The following C2CD3 variants were observed in gnomAD, a reference collection of about 807,000 sequenced individuals.
C2CD3 encodes the protein C2 domain containing 3 centriole elongation regulator.
A neutral mutation model predicts 234.0 loss-of-function variants in C2CD3; 148 were observed. The observed-to-expected ratio is 0.63, with a 90% confidence interval of 0.55 to 0.72. The LOEUF is 0.72. Among genes scored for constraint, C2CD3 ranks in the 30% least tolerant of loss-of-function variants. C2CD3 has a pLI of 0.00. For missense variants in C2CD3, 2,577 were observed against 2,811.5 expected (o/e 0.92, Z 1.89); for synonymous variants, 1,000 against 1,035.4 (o/e 0.97, Z 0.66).
intron 31 of C2CD3, among the ~76,000 whole-genome samples, chr11:74,030,100 A>C (rs920968146): frequency 2.8e-4 from 42 of 152,162 alleles, no homozygotes; most frequent in African/African-American, 9.7e-4. Flanking sequence ...AAAATGTTCA[A>C]GTTTCCCATT....
intron 26 of C2CD3, among the ~76,000 whole-genome samples, chr11:74,052,192 A>G (rs1953724154): frequency 6.6e-6 from 1 of 152,080 alleles, no homozygotes; most frequent in African/African-American, 2.4e-5. Flanking sequence ...TCTTAGCAAG[A>G]CCCTCTTGAA....
chr11:74,111,945 CACACACACACACACACACACACACAT>C (rs1956763513), intron 11 of C2CD3, among the ~76,000 whole-genome samples: 3 of 146,034 alleles, frequency 2.1e-5, no homozygotes, highest in South Asian at 4.5e-4. Flanking sequence ...CACACACACA[CACACACACACACACACACACACACAT>C]ATATATATAC....
intron 3 of C2CD3, among the ~76,000 whole-genome samples, chr11:74,146,966 T>A (rs1320514187): frequency 6.6e-6 from 1 of 151,890 alleles, no homozygotes; most frequent in African/African-American, 2.4e-5. Flanking sequence ...GGCAGGAGAA[T>A]TGCTTGAACC....
Position 74,034,037 on chromosome 11 carries a change from T to C in C2CD3, c.6123A>G (p.Ala2041=), listed in dbSNP as rs1462504098. The C allele has an allele frequency of 3.9e-6, 6 of 1,536,492 alleles. No homozygotes were observed. The highest frequency in any genetic ancestry group is 4.4e-6 in the Non-Finnish European group (5 of 1,146,988). Residue 2041 remains alanine (A), a synonymous_variant, in exon 31 of 33, where the codon GCA becomes GCG. Coordinates refer to ENST00000334126, the MANE Select transcript of C2CD3 (RefSeq NM_001286577.2). ...TGCTCTGCATCCTTGTAATGGGTAC[T>C]GCATGCCTCAGGGACTCATGGAGCA... The part of the protein sequence containing the change: ...GRMLHESLRH[A]VPITRMQSSE...
chr11:74,147,288 C>T (rs534982956), intron 3 of C2CD3, among the ~76,000 whole-genome samples: 27 of 152,050 alleles, frequency 1.8e-4, no homozygotes, highest in African/African-American at 5.8e-4. Context: ...TCGTGGTGTG[C>T]ACCTGTTAGT....
At chr11:74,145,512 C>T (rs1223096158) in intron 3 of C2CD3, among the ~76,000 whole-genome samples, 1 of 151,954 alleles carries the variant, frequency 6.6e-6, no homozygotes, top group African/African-American at 2.4e-5. Context: ...CTGTAGGTTG[C>T]CTCTGTTGAT....
At chr11:74,139,480 T>C (rs1362550837) in intron 4 of C2CD3, 125 bp downstream of exon 4, 6 of 769,766 alleles carry the variant, frequency 7.8e-6, no homozygotes, top group African/African-American at 1.7e-5. Context: ...TTCACAGTTA[T>C]CTGCTAAATG....
chr11:74,161,834 T>C (rs983845963), intron 2 of C2CD3, among the ~76,000 whole-genome samples: 2 of 149,806 alleles, frequency 1.3e-5, no homozygotes, highest in African/African-American at 2.5e-5. Flanking sequence ...TTTTTTTTTT[T>C]CTTGAGACAG....
chr11:74,144,850 T>C (rs564556743), intron 3 of C2CD3, among the ~76,000 whole-genome samples: 2 of 152,322 alleles, frequency 1.3e-5, no homozygotes, highest in East Asian at 3.9e-4. Context: ...CGGTCTACCA[T>C]TGATGGGCAC....
chr11:74,066,453 A>AAAG (rs891961390), intron 24 of C2CD3, among the ~76,000 whole-genome samples: 4 of 149,588 alleles, frequency 2.7e-5, no homozygotes, highest in African/African-American at 7.4e-5. Flanking sequence ...AGAAAGAAAG[A>AAAG]AAAAAAAACA....
chr11:74,125,897 C>T (rs1957398007), intron 7 of C2CD3, among the ~76,000 whole-genome samples: 1 of 152,192 alleles, frequency 6.6e-6, no homozygotes, highest in African/African-American at 2.4e-5. Context: ...CTACTGAAGT[C>T]AGGGATGCCC....
intron 32 of C2CD3, among the ~76,000 whole-genome samples, chr11:74,026,523 C>G (rs1448417707): frequency 6.6e-6 from 1 of 152,020 alleles, no homozygotes; most frequent in Non-Finnish European, 1.5e-5. Context: ...CTGTACTGAC[C>G]CCATTTTTCA....
chr11:74,094,064 T>C (rs1956010146), intron 17 of C2CD3, 65 bp from the exon 18 acceptor site: 1 of 1,346,318 alleles, frequency 7.4e-7, no homozygotes, highest in South Asian at 1.3e-5. Context: ...TCTTCTTTCA[T>C]GTTCTTCCAG....
chr11:74,166,728 C>T (rs1327325890), intron 2 of C2CD3, among the ~76,000 whole-genome samples: 3 of 152,106 alleles, frequency 2.0e-5, no homozygotes, highest in Non-Finnish European at 4.4e-5. Flanking sequence ...TCTTTAAGTT[C>T]CTTTTGGGCA....
At chr11:74,157,606 A>G (rs1319045280) in intron 3 of C2CD3, among the ~76,000 whole-genome samples, 1 of 152,180 alleles carries the variant, frequency 6.6e-6, no homozygotes, top group African/African-American at 2.4e-5. Flanking sequence ...ATATTAATAA[A>G]TTCTTACATT....
At chr11:74,027,143 G>A (rs559472696) in intron 32 of C2CD3, among the ~76,000 whole-genome samples, 22 of 152,144 alleles carry the variant, frequency 1.4e-4, no homozygotes, top group African/African-American at 5.3e-4. Context: ...GTCTCGCTGT[G>A]TCATCCAGGC....
chr11:74,143,638 A>G (rs1488051269), intron 3 of C2CD3, among the ~76,000 whole-genome samples: 1 of 150,882 alleles, frequency 6.6e-6, no homozygotes, highest in Admixed American at 6.6e-5. Flanking sequence ...CTCCCACCTC[A>G]GCTTCCTGAG....
In C2CD3 at chr11:74,074,620, A is replaced by G. The variant is rs1271212538; in HGVS notation, c.4604-20T>C. On this transcript the variant is annotated intron_variant, in intron 23 of 32. Transcript: ENST00000334126. ...ACACACCTAAAAGAAGATGGAGAAGAATAAGGCTAGTCAAGCAGGAACCAA... is the reference window on the plus strand; with the variant it reads ...ACACACCTAAAAGAAGATGGAGAAGGATAAGGCTAGTCAAGCAGGAACCAA... The G allele has an allele frequency of 6.3e-7, 1 of 1,582,092 alleles. No individual in the cohort carries two copies. The highest frequency in any genetic ancestry group is 8.6e-7 in the Non-Finnish European group (1 of 1,160,716).
At chr11:74,144,480 C>A (rs908853342) in intron 3 of C2CD3, among the ~76,000 whole-genome samples, 2 of 152,106 alleles carry the variant, frequency 1.3e-5, no homozygotes, top group Non-Finnish European at 2.9e-5. Context: ...GTTCGGGGTA[C>A]ATGTGCAGAT....
Sources: allele counts gnomAD v4.1 joint callset (sites outside exome capture counted in the v4.1 genomes callset), GRCh38; gene constraint gnomAD v4.1.1; transcripts MANE v1.5; gene names NCBI Gene and HGNC (gene_info 2026-07-23, HGNC 2026-07-21).